The following PRH1 variants were observed in gnomAD, a reference collection of about 807,000 sequenced individuals.
The protein encoded by PRH1 is salivary acidic proline-rich phosphoprotein 1/2.
A neutral mutation model predicts 7.9 loss-of-function variants in PRH1; 7 were observed. That is an observed-to-expected ratio of 0.89 (90% CI 0.50 to 1.67). The LOEUF is 1.67. Ranked by LOEUF, PRH1 falls within the 40% of genes most tolerant of loss-of-function variation. PRH1 has a pLI of 0.00. For missense variants in PRH1, 109 were observed against 223.6 expected (o/e 0.49, Z 3.27); for synonymous variants, 45 against 80.8 (o/e 0.56, Z 2.38).
intron 1 of PRH1, among the ~76,000 whole-genome samples, chr12:11,144,191 T>C (rs1261799115): frequency 6.6e-6 from 1 of 151,888 alleles, no homozygotes; most frequent in Non-Finnish European, 1.5e-5. Context: ...CCAGGGTGGA[T>C]AGGGAAGGAC....
At chr12:11,000,904 G>A (rs188861834) in intron 1 of PRH1, among the ~76,000 whole-genome samples, 2 of 152,018 alleles carry the variant, frequency 1.3e-5, no homozygotes, top group Admixed American at 6.6e-5. Flanking sequence ...ATTATATTTT[G>A]TTCTCCTTCT....
intron 1 of PRH1, among the ~76,000 whole-genome samples, chr12:11,046,063 G>C (rs540304359): frequency 6.6e-5 from 10 of 152,056 alleles, no homozygotes; most frequent in Admixed American, 1.3e-4. Flanking sequence ...TGCCAAAATA[G>C]TTATTTTTAA....
intron 1 of PRH1, among the ~76,000 whole-genome samples, chr12:11,137,095 T>A (rs867499245): frequency 3.3e-5 from 5 of 152,142 alleles, no homozygotes. Flanking sequence ...TGTTGCTGGG[T>A]CATCACCACA....
intron 1 of PRH1, chr12:11,133,618 C>T: frequency 1.2e-6 from 2 of 1,614,270 alleles, no homozygotes; most frequent in Middle Eastern, 1.6e-4. Flanking sequence ...CATGGAGCTG[C>T]ATCTTCTTGA....
chr12:11,030,244 T>C (rs1942121625), intron 1 of PRH1: 2 of 1,084,186 alleles, frequency 1.8e-6, no homozygotes, highest in East Asian at 5.4e-5. Context: ...CATATATATA[T>C]TTTTTTTTCT....
chr12:11,091,506 A>G (rs1233435417), intron 1 of PRH1: 1 of 1,436,892 alleles, frequency 7.0e-7, no homozygotes, highest in East Asian at 2.3e-5. Context: ...ATGGACAGAA[A>G]GTAAATGGCA....
intron 2 of PRH1, chr12:10,930,888 A>G: frequency 6.2e-7 from 1 of 1,611,632 alleles, no homozygotes; most frequent in Non-Finnish European, 8.5e-7. Context: ...GAAGGCCACA[A>G]GGACCACCCC....
At chr12:11,085,256 TTTG>T (rs1448187771) in intron 1 of PRH1, among the ~76,000 whole-genome samples, 2 of 151,292 alleles carry the variant, frequency 1.3e-5, no homozygotes, top group African/African-American at 4.9e-5. Flanking sequence ...AGAAATATGA[TTTG>T]TTAACAGCAT....
Position 11,112,071 on chromosome 12 carries a change from T to C in PRH1, n.123+59351A>G, listed in dbSNP as rs117161420. Among the ~76,000 whole-genome samples the C allele has an allele frequency of 1.4e-3, 213 of 152,310 alleles. 4 individuals carry two copies. In the East Asian group the frequency reaches 0.036, roughly 26 times the overall value. On this transcript the variant is annotated intron_variant and non_coding_transcript_variant, in intron 1 of 4. Transcript: ENST00000541977. ...AATTTAGAAGAAATGGATAAAATACTGGACACATACAACATCCCAAGTCTA... is the reference window on the plus strand; with the variant it reads ...AATTTAGAAGAAATGGATAAAATACCGGACACATACAACATCCCAAGTCTA...
rs1276009265 is a variant in PRH1 at position 11,096,253 on chromosome 12, C to T, written n.124-49065G>A. ...GGCCCTCTAGCCTTATATTTTCTAC[C>T]TCTTGATCTCTTTATGCTTCATTCT... On this transcript the variant is annotated intron_variant and non_coding_transcript_variant, in intron 1 of 4. Coordinates refer to the PRH1 transcript ENST00000541977. Among the ~76,000 whole-genome samples, 3 of 114,998 alleles carry T rather than the reference C, an allele frequency of 2.6e-5. 1 individual carries two copies. Among genetic ancestry groups the T allele is most frequent in the African/African-American group, 8.8e-5 (3 of 34,246 alleles). 75.4% of individuals were successfully genotyped at this position (114,998 alleles called of 152,430 possible).
At chr12:11,050,986 T>A (rs564601795), upstream of PRH1, among the ~76,000 whole-genome samples, 2 of 152,362 alleles carry the variant, frequency 1.3e-5, no homozygotes, top group East Asian at 3.9e-4. Context: ...ATGTGGCCCA[T>A]CTCCAATCAC....
intron 1 of PRH1, among the ~76,000 whole-genome samples, chr12:11,162,875 A>G (rs1749201746): frequency 6.6e-6 from 1 of 152,254 alleles, no homozygotes; most frequent in African/African-American, 2.4e-5. Flanking sequence ...ATATTTGCGA[A>G]GACTTCTTTA....
chr12:10,885,478 T>C (rs1187771555), upstream of PRH1, among the ~76,000 whole-genome samples: 1 of 152,352 alleles, frequency 6.6e-6, no homozygotes, highest in East Asian at 1.9e-4. Context: ...TTTACTTTCA[T>C]TTTTGTCTGT....
intron 2 of PRH1, among the ~76,000 whole-genome samples, chr12:10,962,581 A>G (rs1378448882): frequency 6.6e-6 from 1 of 152,256 alleles, no homozygotes; most frequent in East Asian, 1.9e-4. Context: ...AAACCAGAAT[A>G]GGCAAATTCA....
intron 1 of PRH1, among the ~76,000 whole-genome samples, chr12:11,103,114 A>G (rs1168972979): frequency 6.6e-6 from 1 of 152,222 alleles, no homozygotes; most frequent in East Asian, 1.9e-4. Flanking sequence ...TAGTTCAAAC[A>G]TTGTGGAAGA....
intron 2 of PRH1, among the ~76,000 whole-genome samples, chr12:10,936,464 C>T (rs373657881): frequency 2.6e-5 from 4 of 152,142 alleles, no homozygotes; most frequent in African/African-American, 9.6e-5. Flanking sequence ...ATGAGTGTCT[C>T]ACCATGTGAT....
At chr12:10,948,022 T>C (rs567787978) in intron 2 of PRH1, among the ~76,000 whole-genome samples, 80 of 152,194 alleles carry the variant, frequency 5.3e-4, no homozygotes, top group Non-Finnish European at 1.0e-3. Context: ...GAAATCCCTT[T>C]GTACGTGACC....
At chr12:11,148,081 C>T (rs1046137196) in intron 1 of PRH1, among the ~76,000 whole-genome samples, 9 of 144,806 alleles carry the variant, frequency 6.2e-5, no homozygotes, top group South Asian at 2.3e-4. Context: ...TGATTTGGCT[C>T]TCTGTTTGTC....
At chr12:10,967,038 C>A (rs1210167353) in intron 2 of PRH1, among the ~76,000 whole-genome samples, 1 of 151,258 alleles carries the variant, frequency 6.6e-6, no homozygotes. Context: ...TGGTGTGAAC[C>A]CCGGAGGCGG....
Sources: gnomAD v4.1 joint callset for allele counts (sites outside exome capture counted in the v4.1 genomes callset) on GRCh38, gnomAD v4.1.1 for gene constraint, MANE v1.5 for transcripts, NCBI Gene and HGNC (gene_info 2026-07-23, HGNC 2026-07-21) for gene names.